The following BLTP3A variants were observed in gnomAD, a reference collection of about 807,000 sequenced individuals.
The protein encoded by BLTP3A is ICBP90 binding protein 1.
the BLTP3A span, among the ~76,000 whole-genome samples, chr6:34,868,311 AAT>A: frequency 1.3e-5 from 2 of 149,350 alleles, no homozygotes; most frequent in Admixed American, 6.7e-5. Flanking sequence ...TGTCTCAAAA[AAT>A]ATATATATAT....
At chr6:34,799,610 T>C in the BLTP3A span, among the ~76,000 whole-genome samples, 1 of 152,190 alleles carries the variant, frequency 6.6e-6, no homozygotes, top group African/African-American at 2.4e-5. Context: ...CTTCGAAAAA[T>C]TGAGAAGCAT....
the BLTP3A span, among the ~76,000 whole-genome samples, chr6:34,811,581 G>A: frequency 6.6e-6 from 1 of 151,982 alleles, no homozygotes; most frequent in African/African-American, 2.4e-5. Context: ...TTAAAAAAAG[G>A]CCAGGCACCT....
the BLTP3A span, among the ~76,000 whole-genome samples, chr6:34,841,940 TTC>T: frequency 6.6e-6 from 1 of 152,200 alleles, no homozygotes; most frequent in Non-Finnish European, 1.5e-5. Flanking sequence ...CCTTCCTTAT[TTC>T]TCTTTTTTAA....
chr6:34,808,532 A>G, the BLTP3A span, among the ~76,000 whole-genome samples: 4 of 152,096 alleles, frequency 2.6e-5, no homozygotes, highest in South Asian at 2.1e-4. Context: ...AAGAGGGGTT[A>G]TCATTATAGA....
the BLTP3A span, among the ~76,000 whole-genome samples, chr6:34,848,909 G>T: frequency 4.9e-5 from 7 of 141,454 alleles, no homozygotes; most frequent in South Asian, 1.6e-3. Flanking sequence ...CTTCCTTTCT[G>T]TGAAGGCGAT....
chr6:34,797,426 T>C, the BLTP3A span, among the ~76,000 whole-genome samples: 2 of 152,176 alleles, frequency 1.3e-5, no homozygotes, highest in Admixed American at 1.3e-4. Flanking sequence ...CTCATCATCT[T>C]GATGAACACT....
At chr6:34,794,767 TC>T in the BLTP3A span, among the ~76,000 whole-genome samples, 3 of 150,496 alleles carry the variant, frequency 2.0e-5, no homozygotes, top group African/African-American at 7.4e-5. Context: ...TTCTGTGCAC[TC>T]CTATGAACGT....
chr6:34,845,853 T>C, the BLTP3A span, among the ~76,000 whole-genome samples: 1 of 152,028 alleles, frequency 6.6e-6, no homozygotes, highest in Non-Finnish European at 1.5e-5. Context: ...AGCCTCGGCC[T>C]CCCAAAGTGC....
At chr6:34,857,828 T>G in the BLTP3A span, 1 of 1,614,170 alleles carries the variant, frequency 6.2e-7, no homozygotes, top group Non-Finnish European at 8.5e-7. Context: ...ATACCGCAGC[T>G]TGGAGCAGTT....
At chr6:34,833,598 C>G in the BLTP3A span, among the ~76,000 whole-genome samples, 1 of 151,972 alleles carries the variant, frequency 6.6e-6, no homozygotes, top group African/African-American at 2.4e-5. Context: ...TCAAGGTCTT[C>G]CTCTTTTATT....
chr6:34,872,186 G>A, the BLTP3A span: 2 of 1,172,682 alleles, frequency 1.7e-6, no homozygotes, highest in South Asian at 3.2e-5. Context: ...AAAAGATATG[G>A]TTATCTTAAT....
chr6:34,833,256 T>A, the BLTP3A span, among the ~76,000 whole-genome samples: 1 of 152,154 alleles, frequency 6.6e-6, no homozygotes, highest in African/African-American at 2.4e-5. Context: ...CAGATTTTGG[T>A]ATAGGAGATG....
At chr6:34,872,246 C>T in the BLTP3A span, 4 of 1,535,966 alleles carry the variant, frequency 2.6e-6, no homozygotes, top group Non-Finnish European at 3.5e-6. Context: ...CTCCCTGTTC[C>T]CTTTACTGGC....
the BLTP3A span, among the ~76,000 whole-genome samples, chr6:34,796,803 C>G: frequency 4.1e-3 from 623 of 152,292 alleles, 4 homozygotes; most frequent in African/African-American, 0.014. Context: ...CCCCCGAGTT[C>G]AAGTGATTTT....
chr6:34,866,953 A>G, the BLTP3A span, among the ~76,000 whole-genome samples: 7 of 152,172 alleles, frequency 4.6e-5, no homozygotes, highest in Non-Finnish European at 8.8e-5. Context: ...TTGTATTTAT[A>G]TACCACATTG....
chr6:34,805,592 C>CAA, the BLTP3A span, among the ~76,000 whole-genome samples: 420 of 96,120 alleles, frequency 4.4e-3, 1 homozygote, highest in African/African-American at 0.013. Flanking sequence ...GACTTGGTCT[C>CAA]AAAAAAAAAA....
the BLTP3A span, chr6:34,857,758 T>C: frequency 6.2e-7 from 1 of 1,614,216 alleles, no homozygotes; most frequent in South Asian, 1.1e-5. Context: ...AGTTAAATGG[T>C]CTGACATTTA....
the BLTP3A span, among the ~76,000 whole-genome samples, chr6:34,809,125 G>A: frequency 1.3e-4 from 20 of 152,198 alleles, no homozygotes; most frequent in African/African-American, 2.2e-4. Flanking sequence ...AGGTTTGGTG[G>A]TTCAGCCATG....
At chr6:34,836,433 A>G in the BLTP3A span, 4 of 1,332,638 alleles carry the variant, frequency 3.0e-6, no homozygotes, top group African/African-American at 4.4e-5. Context: ...GGCTCTTTTC[A>G]GAAGACATTG....
Sources: allele counts gnomAD v4.1 joint callset (sites outside exome capture counted in the v4.1 genomes callset), GRCh38; gene constraint gnomAD v4.1.1; transcripts MANE v1.5; gene names NCBI Gene and HGNC (gene_info 2026-07-23, HGNC 2026-07-21).